The following DLC1 variants were observed in gnomAD, a reference collection of about 807,000 sequenced individuals.
The protein encoded by DLC1 is DLC1 Rho GTPase activating protein.
DLC1 carries 54 observed loss-of-function variants against 140.3 expected under a neutral mutation model. That is an observed-to-expected ratio of 0.38 (90% confidence interval 0.31 to 0.48). The LOEUF (loss-of-function observed/expected upper bound fraction) is 0.48. Ranked by LOEUF, DLC1 falls within the 20% of genes least tolerant of loss-of-function variation. DLC1 has a pLI of 0.96. For synonymous variants in DLC1, 986 were observed against 728.1 expected (o/e 1.35, Z -5.70); for missense variants, 2,536 against 1,907.0 (o/e 1.33, Z -6.14).
chr8:13,585,738 C>T (rs1364761798), intron 1 of DLC1, among the ~76,000 whole-genome samples: 1 of 152,054 alleles, frequency 6.6e-6, no homozygotes, highest in Admixed American at 6.6e-5. Context: ...GGAACATCAC[C>T]CTGATTTCTT....
At position 13,088,452 on chromosome 8, in the gene DLC1, T is replaced by G. The variant is rs749788185; in HGVS notation, c.4292+35A>C. The G allele has an allele frequency of 5.6e-6, 9 of 1,608,374 alleles. No individual in the cohort carries two copies. The East Asian group carries it at 2.0e-4, about 36-fold the overall frequency. ...TAGGCTTGGTTCATATATGGAGTCA[T>G]CCTTGTCACAAAAAAACAACTGGGA... On this transcript the variant is annotated intron_variant, in intron 16 of 17. Coordinates refer to ENST00000276297, the MANE Select transcript of DLC1 (RefSeq NM_182643.3).
At chr8:13,098,688 T>A in intron 9 of DLC1, 113 bp from the exon 10 acceptor site, 2 of 1,156,968 alleles carry the variant, frequency 1.7e-6, no homozygotes, top group Non-Finnish European at 2.4e-6. Context: ...CCATCACAGC[T>A]CACTGCAGCC....
chr8:13,440,801 T>G lies in DLC1; in HGVS notation c.1024-39182A>C, dbSNP rs60260990. On this transcript the variant is annotated intron_variant, in intron 2 of 17. Coordinates refer to ENST00000276297, the MANE Select transcript of DLC1 (RefSeq NM_182643.3). Reference sequence around the variant, plus strand: ...TATCAGGGGATTCTGCATTTGCTTCTTCCTCATGTTCTCTTGCTGCTGCCA... The same window carrying G: ...TATCAGGGGATTCTGCATTTGCTTCGTCCTCATGTTCTCTTGCTGCTGCCA... Among the ~76,000 whole-genome samples the G allele has an allele frequency of 1.9e-3, 296 of 152,286 alleles. 1 individual carries two copies. Among genetic ancestry groups the G allele is most frequent in the African/African-American group, 5.1e-3 (212 of 41,562 alleles).
At chr8:13,450,385 G>A (rs969942482) in intron 2 of DLC1, among the ~76,000 whole-genome samples, 26 of 146,416 alleles carry the variant, frequency 1.8e-4, no homozygotes, top group African/African-American at 6.4e-4. Context: ...AACCCGGAAG[G>A]TGGAGGTTTC....
At chr8:13,280,017 C>T (rs1444248478) in intron 5 of DLC1, among the ~76,000 whole-genome samples, 2 of 151,788 alleles carry the variant, frequency 1.3e-5, no homozygotes, top group Non-Finnish European at 2.9e-5. Flanking sequence ...CGGTGGCTCA[C>T]ACCTGTAATC....
At chr8:13,132,927 A>G in intron 5 of DLC1, 1 of 1,598,956 alleles carries the variant, frequency 6.3e-7, no homozygotes, top group Non-Finnish European at 8.5e-7. Context: ...CGACGGCAAG[A>G]CGCAAGTCTA....
At chr8:13,221,722 GTGTGTA>G (rs1446891620) in intron 5 of DLC1, among the ~76,000 whole-genome samples, 8 of 131,328 alleles carry the variant, frequency 6.1e-5, no homozygotes, top group African/African-American at 6.1e-5. Context: ...ATGTGTGTGT[GTGTGTA>G]TATATATATA....
At chr8:13,510,979 CT>C (rs918565286) in intron 1 of DLC1, among the ~76,000 whole-genome samples, 6 of 149,760 alleles carry the variant, frequency 4.0e-5, no homozygotes, top group East Asian at 2.0e-4. Context: ...GTTTTCCTTT[CT>C]TTTTTTTTTC....
At chr8:13,377,084 G>A (rs1307039201) in intron 4 of DLC1, among the ~76,000 whole-genome samples, 3 of 152,174 alleles carry the variant, frequency 2.0e-5, no homozygotes, top group Non-Finnish European at 4.4e-5. Flanking sequence ...CTTTGGTGGA[G>A]TAAGTTGAGA....
chr8:13,546,027 G>A (rs1803638378), intron 1 of DLC1, among the ~76,000 whole-genome samples: 1 of 152,118 alleles, frequency 6.6e-6, no homozygotes, highest in Non-Finnish European at 1.5e-5. Context: ...ATGTTAAAGA[G>A]AATGGGGAAG....
At chr8:13,377,267 A>G (rs1228965160) in intron 4 of DLC1, among the ~76,000 whole-genome samples, 2 of 152,200 alleles carry the variant, frequency 1.3e-5, no homozygotes, top group Admixed American at 1.3e-4. Flanking sequence ...AAAAGGAATG[A>G]GTGTAGAAGT....
intron 8 of DLC1, among the ~76,000 whole-genome samples, chr8:13,102,358 C>G (rs961713559): frequency 2.0e-5 from 3 of 152,154 alleles, no homozygotes; most frequent in African/African-American, 7.2e-5. Flanking sequence ...TCTTATTATT[C>G]TTCAATATTG....
rs533406049 is a variant in DLC1, at chr8:13,571,122, A to C, written c.-126+33415T>G. On this transcript the variant is annotated intron_variant, in intron 1 of 1. Transcript: ENST00000631382. ...ACTTTAATTTCTTATGTATTATTCC[A>C]GTGCTGTTTTATGCAAATACGAACA... Among the ~76,000 whole-genome samples the C allele has an allele frequency of 5.8e-4, 88 of 152,352 alleles. 1 individual carries two copies. The South Asian group carries it at 0.013, about 22-fold the overall frequency.
intron 2 of DLC1, among the ~76,000 whole-genome samples, chr8:13,494,538 A>G (rs1563396161): frequency 6.6e-6 from 1 of 152,188 alleles, no homozygotes; most frequent in Non-Finnish European, 1.5e-5. Flanking sequence ...TTCTGAAGGC[A>G]TAGAGCCTAT....
At chr8:13,567,460 G>C in intron 1 of DLC1, 1 of 1,552,068 alleles carries the variant, frequency 6.4e-7, no homozygotes, top group Non-Finnish European at 8.7e-7. Flanking sequence ...ATTGGATGTA[G>C]AGGCTTCAGA....
At position 13,086,430 on chromosome 8, in the gene DLC1, A is replaced by G. The variant is rs1432838805; in HGVS notation, c.4326T>C (p.Cys1442=). ...TWRTNLPKGA[C]ALLLTSVDHD... is the part of the protein sequence containing the mutation. The stretch of plus-strand genomic sequence containing the variant: ...GATCCACAGAGGTTAGTAAAAGGGC[A>G]CAGGCTCCTTTGGGTAAATTAGTCC... The change falls in exon 17 of 18, where the codon TGT becomes TGC. Residue 1442 remains cysteine (C), a synonymous_variant. Transcript: ENST00000276297. 2 of 1,614,150 alleles carry G rather than the reference A, an allele frequency of 1.2e-6. No individual in the cohort carries two copies. Among genetic ancestry groups the G allele is most frequent in the Non-Finnish European group, 1.7e-6 (2 of 1,180,056 alleles).
At chr8:13,564,733 A>G (rs570046152) in intron 1 of DLC1, among the ~76,000 whole-genome samples, 1 of 152,342 alleles carries the variant, frequency 6.6e-6, no homozygotes, top group Admixed American at 6.5e-5. Context: ...TTATAGCTGC[A>G]AAGCATTCTT....
At chr8:13,240,077 T>C (rs76773242) in intron 5 of DLC1, among the ~76,000 whole-genome samples, 3,409 of 150,440 alleles carry the variant, frequency 0.023, 138 homozygotes, top group African/African-American at 0.08. Context: ...TTAGGGGGAC[T>C]TTTTTTTTAA....
chr8:13,600,457 G>A (rs894400507), intron 1 of DLC1, among the ~76,000 whole-genome samples: 1 of 151,860 alleles, frequency 6.6e-6, no homozygotes, highest in Non-Finnish European at 1.5e-5. Flanking sequence ...TACAACCGAA[G>A]AGTGTCCAAG....
Sources: gnomAD v4.1 joint callset for allele counts (sites outside exome capture counted in the v4.1 genomes callset) on GRCh38, gnomAD v4.1.1 for gene constraint, MANE v1.5 for transcripts, NCBI Gene and HGNC (gene_info 2026-07-23, HGNC 2026-07-21) for gene names.